The following DECR1 variants were observed in gnomAD, a reference collection of about 807,000 sequenced individuals.
The protein encoded by DECR1 is 2,4-dienoyl-CoA reductase [(3E)-enoyl-CoA-producing], mitochondrial.
A neutral mutation model predicts 38.8 loss-of-function variants in DECR1; 44 were observed. The ratio of observed to expected loss-of-function variants is 1.13; its 90% CI spans 0.89 to 1.46. DECR1 has a LOEUF of 1.46. Among genes scored for constraint, DECR1 ranks in the 40% most tolerant of loss-of-function variants. The pLI is 0.00. For missense variants in DECR1, 428 were observed against 405.5 expected, an observed-to-expected ratio of 1.06 and a Z score of -0.48; for synonymous variants, 148 against 135.2, an observed-to-expected ratio of 1.09 and a Z score of -0.66.
chr8:90,026,638 C>A (rs1214952331), intron 5 of DECR1, among the ~76,000 whole-genome samples: 1 of 151,996 alleles, frequency 6.6e-6, no homozygotes, highest in Non-Finnish European at 1.5e-5. Flanking sequence ...CTCTTGCTGG[C>A]AGTCTATCAA....
intron 1 of DECR1, among the ~76,000 whole-genome samples, chr8:90,008,979 A>G (rs563308621): frequency 2.0e-5 from 3 of 152,100 alleles, no homozygotes; most frequent in African/African-American, 4.8e-5. Context: ...CCTGCTTCCA[A>G]CCTTGCCCTC....
intron 1 of DECR1, among the ~76,000 whole-genome samples, chr8:90,014,001 G>A (rs1032085017): frequency 3.4e-4 from 52 of 152,042 alleles, no homozygotes; most frequent in African/African-American, 1.2e-3. Flanking sequence ...AGGAAGGTAG[G>A]TGATAGCTAA....
intron 5 of DECR1, 76 bp downstream of exon 5, chr8:90,021,132 TAA>T: frequency 8.3e-7 from 1 of 1,199,402 alleles, no homozygotes. Flanking sequence ...TGTGATACTT[TAA>T]AAGTCAATGA....
intron 1 of DECR1, among the ~76,000 whole-genome samples, chr8:90,009,917 G>A (rs1270732072): frequency 6.6e-6 from 1 of 152,192 alleles, no homozygotes; most frequent in African/African-American, 2.4e-5. Flanking sequence ...AAAATGAGAT[G>A]TACACCCTAT....
chr8:90,013,635 T>C (rs1812940567), intron 1 of DECR1, among the ~76,000 whole-genome samples: 1 of 152,140 alleles, frequency 6.6e-6, no homozygotes, highest in African/African-American at 2.4e-5. Flanking sequence ...CAAGTGTTGG[T>C]AGAGCTTCTG....
At chr8:90,015,420 T>C (rs374696305) in intron 1 of DECR1, 11 of 309,618 alleles carry the variant, frequency 3.6e-5, no homozygotes, top group African/African-American at 2.4e-4. Context: ...ACTGTTGTTA[T>C]TTCCTTCTAG....
At chr8:90,021,628 GACA>G (rs1259939193) in intron 5 of DECR1, among the ~76,000 whole-genome samples, 4 of 152,198 alleles carry the variant, frequency 2.6e-5, no homozygotes, top group African/African-American at 9.7e-5. Context: ...AAAGGTTAGT[GACA>G]ACAAGATGGA....
rs1814114007 is a variant in DECR1 at position 90,052,099 on chromosome 8, A to G, written c.*202A>G. ...TATAGTCCTTCAAAACATTAAAAAA[A>G]AAAAAAGGAGGCATGGGGAGAGTAG... On this transcript the variant is annotated 3_prime_UTR_variant, in exon 10 of 10. Transcript: ENST00000220764. The G allele has an allele frequency of 1.9e-6, 1 of 523,958 alleles. No homozygotes were observed. The highest frequency in any genetic ancestry group is 3.3e-6 in the Non-Finnish European group (1 of 303,230). 32.5% of individuals were successfully genotyped at this position (523,958 alleles called of 1,614,324 possible).
At chr8:90,051,606 GA>G (rs1814095336) in intron 8 of DECR1, 70 bp from the exon 9 acceptor site, 2 of 1,241,848 alleles carry the variant, frequency 1.6e-6, no homozygotes, top group Admixed American at 1.9e-5. Flanking sequence ...ATTAGTATGG[GA>G]AAATGGCTAG....
intron 5 of DECR1, among the ~76,000 whole-genome samples, chr8:90,023,263 T>C (rs1400080057): frequency 6.6e-6 from 1 of 152,230 alleles, no homozygotes; most frequent in Non-Finnish European, 1.5e-5. Flanking sequence ...CTATTGCAAA[T>C]GGCACTGTTT....
At chr8:90,010,413 A>C (rs1586136081) in intron 1 of DECR1, among the ~76,000 whole-genome samples, 1 of 152,358 alleles carries the variant, frequency 6.6e-6, no homozygotes, top group East Asian at 1.9e-4. Context: ...GCTAAGGACC[A>C]CATACACTGT....
chr8:90,046,550 A>G (rs1336650743), intron 8 of DECR1, among the ~76,000 whole-genome samples: 1 of 152,252 alleles, frequency 6.6e-6, no homozygotes, highest in East Asian at 1.9e-4. Flanking sequence ...TGAAAAGACC[A>G]AATCTACGTC....
At chr8:90,006,881 T>A (rs1260649108) in intron 1 of DECR1, among the ~76,000 whole-genome samples, 1 of 152,178 alleles carries the variant, frequency 6.6e-6, no homozygotes, top group Non-Finnish European at 1.5e-5. Flanking sequence ...CCCAGATTTC[T>A]GTCTTTGGCC....
chr8:90,029,263 AAAATAT>A (rs1813433712), intron 5 of DECR1: 1 of 152,194 alleles, frequency 6.6e-6, no homozygotes, highest in Admixed American at 6.5e-5. Context: ...AGCCTCATGA[AAAATAT>A]AAATTGTTTT....
intron 6 of DECR1, among the ~76,000 whole-genome samples, chr8:90,038,454 C>CTTTT (rs759045189): frequency 1.2e-4 from 13 of 111,718 alleles, no homozygotes; most frequent in African/African-American, 1.5e-4. Flanking sequence ...CATCGCGGGC[C>CTTTT]TTTTTTTTTT....
chr8:90,026,159 A>T (rs1352793142), intron 5 of DECR1, among the ~76,000 whole-genome samples: 2 of 152,196 alleles, frequency 1.3e-5, no homozygotes, highest in African/African-American at 4.8e-5. Context: ...ATGGATGTTC[A>T]TCAGGGATAT....
Position 90,042,707 on chromosome 8 carries a change from GTTGTTGATT to G in DECR1, c.666-18_666-10del. 1 of 1,597,618 alleles carries G rather than the reference GTTGTTGATT, an allele frequency of 6.3e-7. No individual in the cohort carries two copies. ...TATGGTATAATATTTCAGAATGTAT[GTTGTTGATT>G]TTAATTTTTAGGTCTCTTGCAGCTG... On this transcript the variant is annotated splice_polypyrimidine_tract_variant and intron_variant, in intron 6 of 9. Coordinates refer to ENST00000220764, the MANE Select transcript of DECR1 (RefSeq NM_001359.2).
At chr8:90,027,595 T>G (rs1336084849) in intron 5 of DECR1, among the ~76,000 whole-genome samples, 1 of 152,140 alleles carries the variant, frequency 6.6e-6, no homozygotes, top group Non-Finnish European at 1.5e-5. Flanking sequence ...ATCCCTTTAT[T>G]TTGAGCCTAT....
chr8:90,026,611 T>C (rs183869229), intron 5 of DECR1, among the ~76,000 whole-genome samples: 53 of 152,328 alleles, frequency 3.5e-4, no homozygotes, highest in African/African-American at 1.2e-3. Context: ...GATTCTTCTC[T>C]CTTTTCTTCT....
Sources: allele counts gnomAD v4.1 joint callset (sites outside exome capture counted in the v4.1 genomes callset), GRCh38; gene constraint gnomAD v4.1.1; transcripts MANE v1.5; gene names NCBI Gene and HGNC (gene_info 2026-07-23, HGNC 2026-07-21).